CMBL: variants seen among roughly 807,000 people sequenced by gnomAD.
The protein encoded by CMBL is carboxymethylenebutenolidase homolog.
In CMBL, 17 loss-of-function variants were observed where a neutral mutation model predicts 28.7. The observed-to-expected ratio is 0.59, with a 90% CI of 0.41 to 0.89. The LOEUF (loss-of-function observed/expected upper bound fraction) is 0.89. Among genes scored for constraint, CMBL ranks in the 40% least tolerant of loss-of-function variants. The pLI, the probability that CMBL is intolerant of heterozygous loss-of-function variation, is 0.00. For synonymous variants in CMBL, 106 were observed against 101.6 expected, an observed-to-expected ratio of 1.04 and a Z score of -0.26; for missense variants, 310 against 298.5, an observed-to-expected ratio of 1.04 and a Z score of -0.28.
chr5:10,305,799 G>A lies in CMBL; in HGVS notation c.-20+1826C>T, dbSNP rs576193502. Among the ~76,000 whole-genome samples, 6 of 152,214 alleles carry A rather than the reference G, an allele frequency of 3.9e-5. No individual in the cohort carries two copies. In the East Asian group the frequency reaches 9.7e-4, roughly 25 times the overall value. ...TTGGCCAGGCTGGTCTCAAACTCCTGACTTCAGGATACATCCACCTCGGCC... is the reference window on the plus strand; with the variant it reads ...TTGGCCAGGCTGGTCTCAAACTCCTAACTTCAGGATACATCCACCTCGGCC... On this transcript the variant is annotated intron_variant, in intron 1 of 5. Transcript: ENST00000296658.
At chr5:10,301,429 C>T (rs1746894966) in intron 1 of CMBL, among the ~76,000 whole-genome samples, 1 of 151,892 alleles carries the variant, frequency 6.6e-6, no homozygotes, top group African/African-American at 2.4e-5. Flanking sequence ...TTCAGAAAAA[C>T]TCTCAAGCCA....
At chr5:10,304,197 C>T (rs909801163) in intron 1 of CMBL, among the ~76,000 whole-genome samples, 1 of 133,766 alleles carries the variant, frequency 7.5e-6, no homozygotes, top group African/African-American at 2.7e-5. Flanking sequence ...CCCATCTCTA[C>T]AAAAAAAAAA....
chr5:10,299,110 A>C (rs1746852469), intron 1 of CMBL, among the ~76,000 whole-genome samples: 2 of 152,216 alleles, frequency 1.3e-5, no homozygotes, highest in South Asian at 4.1e-4. Flanking sequence ...CATTAATATC[A>C]AGATAAAAGT....
intron 2 of CMBL, among the ~76,000 whole-genome samples, chr5:10,290,235 C>T (rs10038054): frequency 0.75 from 113,576 of 152,172 alleles, 43,521 homozygotes; most frequent in African/African-American, 0.81. Context: ...GCAGGTGAGG[C>T]TGGCCTCAGA....
intron 4 of CMBL, among the ~76,000 whole-genome samples, chr5:10,283,003 T>C (rs13180028): frequency 0.55 from 82,819 of 150,514 alleles, 25,226 homozygotes; most frequent in Non-Finnish European, 0.7. Context: ...GGCAGGAGAA[T>C]GGCTTGAACC....
chr5:10,306,283 G>A (rs1746999057), intron 1 of CMBL, among the ~76,000 whole-genome samples: 1 of 152,168 alleles, frequency 6.6e-6, no homozygotes, highest in East Asian at 1.9e-4. Context: ...AAGCAAAAGG[G>A]ACTGGTGCAG....
chr5:10,290,150 C>T (rs1217107405), intron 2 of CMBL, among the ~76,000 whole-genome samples: 1 of 152,236 alleles, frequency 6.6e-6, no homozygotes, highest in Non-Finnish European at 1.5e-5. Flanking sequence ...CTTGGACACC[C>T]TGCCGTCCAA....
rs768527585 is a variant in CMBL, at chr5:10,282,212, C to T, written c.543G>A (p.Val181=). The T allele has an allele frequency of 6.2e-7, 1 of 1,609,852 alleles. No homozygotes were observed. Among genetic ancestry groups the T allele is most frequent in the Non-Finnish European group, 8.5e-7 (1 of 1,176,200 alleles). The part of the protein sequence containing the change: ...TLFIFAENDV[V]IPLKDVSLLT... The stretch of plus-strand genomic sequence containing the variant: ...GCCAACTTACGTCCTTGAGTGGAAT[C>T]ACAACATCATTTTCAGCAAAAATGA... Residue 181 remains valine, a synonymous_variant, in exon 5 of 6, where the codon GTG becomes GTA. Transcript: ENST00000296658.
At chr5:10,283,471 GGTCA>G in intron 4 of CMBL, among the ~76,000 whole-genome samples, 1 of 152,118 alleles carries the variant, frequency 6.6e-6, no homozygotes, top group Non-Finnish European at 1.5e-5. Flanking sequence ...GGGCCTAGCA[GGTCA>G]GTCTATAAAA....
intron 1 of CMBL, among the ~76,000 whole-genome samples, chr5:10,293,729 T>G (rs1028912035): frequency 6.6e-6 from 1 of 152,200 alleles, no homozygotes; most frequent in African/African-American, 2.4e-5. Flanking sequence ...ATTCATCCAG[T>G]CATCCACAGA....
rs2126548234 is a variant in CMBL at position 10,289,580 on chromosome 5, GC to G, written c.215+967del. Among the ~76,000 whole-genome samples the G allele has an allele frequency of 6.6e-6, 1 of 152,316 alleles. No individual in the cohort carries two copies. Among genetic ancestry groups the G allele is most frequent in the Non-Finnish European group, 1.5e-5 (1 of 68,038 alleles). On this transcript the variant is annotated intron_variant, in intron 2 of 5. Transcript: ENST00000296658. This position sits in a 1 kb window ranked among gnomAD's most constrained non-coding sequence, Gnocchi z 4.3. ...ATAACAGCTCCTCCCTCAAGGGGCT[GC>G]CAGGAGGACTAAGGGCAATGAGCCC...
chr5:10,288,153 GCTA>G (rs972242005), intron 3 of CMBL, among the ~76,000 whole-genome samples: 22 of 152,178 alleles, frequency 1.4e-4, no homozygotes, highest in African/African-American at 5.3e-4. Flanking sequence ...TGTAATCCCA[GCTA>G]CTCGGGAGGC....
intron 1 of CMBL, among the ~76,000 whole-genome samples, chr5:10,304,265 AG>A (rs1380405240): frequency 6.6e-6 from 1 of 151,908 alleles, no homozygotes; most frequent in African/African-American, 2.4e-5. Context: ...GCCTTTTAGG[AG>A]GCTGAGCTAG....
chr5:10,278,747 C>T lies in CMBL; in HGVS notation c.*1706G>A, dbSNP rs577309009. On this transcript the variant is annotated 3_prime_UTR_variant, in exon 6 of 6. Coordinates refer to ENST00000296658, the MANE Select transcript of CMBL (RefSeq NM_138809.4). ...CTCTACCCCATCCTAACTTCTTTCC[C>T]GGTCAGGGCTCTCCGGGAGAGTGGC... Among the ~76,000 whole-genome samples the T allele has an allele frequency of 3.3e-5, 5 of 152,210 alleles. No individual in the cohort carries two copies. The highest frequency in any genetic ancestry group is 2.0e-4 in the Admixed American group (3 of 15,286).
chr5:10,306,784 T>C (rs1031731743), intron 1 of CMBL, among the ~76,000 whole-genome samples: 1 of 152,206 alleles, frequency 6.6e-6, no homozygotes, highest in Non-Finnish European at 1.5e-5. Flanking sequence ...TAGCATGAAT[T>C]AGGAAGCTAC....
Position 10,279,129 on chromosome 5 carries a change from C to A in CMBL, c.*1324G>T, listed in dbSNP as rs1746450428. 6.6e-6 allele frequency: 1 copy of A among 152,184 alleles called. No individual in the cohort carries two copies. The highest frequency in any genetic ancestry group is 1.5e-5 in the Non-Finnish European group (1 of 68,036). 9.4% of individuals were successfully genotyped at this position (152,184 alleles called of 1,614,324 possible). ...ACCGGCTCTCCCCTTTACGCCACCA[C>A]CAGAAACACAGGAGATATTTCTGAG... On this transcript the variant is annotated 3_prime_UTR_variant, in exon 6 of 6. Coordinates refer to ENST00000296658, the MANE Select transcript of CMBL (RefSeq NM_138809.4).
chr5:10,291,564 G>A (rs990026076), intron 1 of CMBL, among the ~76,000 whole-genome samples: 1 of 151,902 alleles, frequency 6.6e-6, no homozygotes, highest in African/African-American at 2.4e-5. Context: ...GGGAGGCTGA[G>A]GCAGGAGAAT....
At position 10,280,339 on chromosome 5, in the gene CMBL, T is replaced by C; in HGVS notation, c.*114A>G. The C allele has an allele frequency of 2.7e-6, 2 of 747,262 alleles. No individual in the cohort carries two copies. The highest frequency in any genetic ancestry group is 4.1e-6 in the Non-Finnish European group (2 of 482,892). 46.3% of individuals were successfully genotyped at this position (747,262 alleles called of 1,614,324 possible). A position where few individuals can be genotyped will look rare whatever the true frequency, so the allele number is the denominator to read the frequency against. ...TTGTGTTTCAAATGAAATAATCAAT[T>C]TTAGGATTCCTACACTTATTTTATA... On this transcript the variant is annotated 3_prime_UTR_variant, in exon 6 of 6. Transcript: ENST00000296658.
chr5:10,288,729 G>A (rs1035637796), intron 2 of CMBL, among the ~76,000 whole-genome samples, 200 bp from the exon 3 acceptor site: 4 of 152,244 alleles, frequency 2.6e-5, no homozygotes, highest in South Asian at 2.1e-4. Flanking sequence ...ACAACCGCAG[G>A]TGCACAGCGT....
Sources: gnomAD v4.1 joint callset for allele counts (sites outside exome capture counted in the v4.1 genomes callset) on GRCh38, gnomAD v4.1.1 for gene constraint, Gnocchi (gnomAD v3.1) non-coding constraint, MANE v1.5 for transcripts, NCBI Gene and HGNC (gene_info 2026-07-23, HGNC 2026-07-21) for gene names.